TEX14: variants seen among roughly 807,000 people sequenced by gnomAD.
TEX14 encodes the protein testis expressed 14, intercellular bridge forming factor, also known as inactive serine/threonine-protein kinase TEX14.
Under a neutral mutation model 178.6 loss-of-function variants are expected in TEX14, and 168 were observed. That is an observed-to-expected ratio of 0.94 (90% CI 0.83 to 1.07). TEX14 has a LOEUF of 1.07. TEX14 is among the 50% of genes least tolerant of loss of function. The probability of loss-of-function intolerance (pLI) is 0.00; values close to 1 mark genes in which losing one functional copy is unlikely to be tolerated. For missense variants in TEX14, 1,730 were observed against 1,753.6 expected (o/e 0.99, Z 0.24); for synonymous variants, 626 against 634.1 (o/e 0.99, Z 0.19).
intron 15 of TEX14, among the ~76,000 whole-genome samples, chr17:58,592,692 C>T (rs1231049736): frequency 1.3e-5 from 2 of 151,930 alleles, no homozygotes; most frequent in Non-Finnish European, 2.9e-5. Flanking sequence ...GTGCCCGCCA[C>T]CACGCCCGGC....
chr17:58,566,107 T>C (rs1475848663), intron 26 of TEX14, among the ~76,000 whole-genome samples: 1 of 152,176 alleles, frequency 6.6e-6, no homozygotes, highest in Non-Finnish European at 1.5e-5. Flanking sequence ...AGGAATTCTT[T>C]AGGTATGACA....
At chr17:58,642,316 T>C (rs1447768870) in intron 2 of TEX14, among the ~76,000 whole-genome samples, 1 of 152,194 alleles carries the variant, frequency 6.6e-6, no homozygotes, top group African/African-American at 2.4e-5. Context: ...ATCACAAATG[T>C]GACCATCAGG....
intron 26 of TEX14, among the ~76,000 whole-genome samples, chr17:58,568,114 G>A (rs1201036778): frequency 2.6e-5 from 4 of 152,208 alleles, no homozygotes; most frequent in Non-Finnish European, 5.9e-5. Flanking sequence ...AATTTGCAAG[G>A]ACTGCCTAGG....
At chr17:58,629,034 C>T (rs781286765) in intron 3 of TEX14, among the ~76,000 whole-genome samples, 1 of 152,140 alleles carries the variant, frequency 6.6e-6, no homozygotes, top group Non-Finnish European at 1.5e-5. Context: ...CTTAAGTGCC[C>T]AAAACCCCAG....
At chr17:58,654,213 G>A (rs917991726) in intron 1 of TEX14, among the ~76,000 whole-genome samples, 2 of 151,978 alleles carry the variant, frequency 1.3e-5, no homozygotes, top group African/African-American at 2.4e-5. Flanking sequence ...AGAAACTGGT[G>A]CCTGAGTACT....
intron 11 of TEX14, among the ~76,000 whole-genome samples, chr17:58,603,384 T>C (rs2045515433): frequency 6.6e-6 from 1 of 150,590 alleles, no homozygotes; most frequent in South Asian, 2.1e-4. Flanking sequence ...TGAAATCCCA[T>C]CCCTACTAAA....
At chr17:58,567,956 T>C (rs932249714) in intron 26 of TEX14, 1 of 152,268 alleles carries the variant, frequency 6.6e-6, no homozygotes, top group Non-Finnish European at 1.5e-5. Flanking sequence ...GTATCAGCTA[T>C]GATCAAACTG....
rs1368493579 is a variant in TEX14 at position 58,656,942 on chromosome 17, A to AG, written c.-1-4941_-1-4940insC. Among the ~76,000 whole-genome samples, 6 of 149,860 alleles carry AG rather than the reference A, an allele frequency of 4.0e-5. No individual in the cohort carries two copies. The East Asian group carries it at 7.7e-4, about 19-fold the overall frequency. On this transcript the variant is annotated intron_variant, in intron 1 of 31. Coordinates refer to ENST00000349033, the MANE Select transcript of TEX14 (RefSeq NM_031272.5). ...CCATCTCACAAAAAAAAAAAAAAAA[A>AG]AAAAAAAGAAAAAGAAAATTGGGTT...
At chr17:58,611,451 C>T in intron 9 of TEX14, 112 bp from the exon 10 acceptor site, 1 of 778,870 alleles carries the variant, frequency 1.3e-6, no homozygotes, top group Non-Finnish European at 2.1e-6. Flanking sequence ...TACCAAGGAT[C>T]CCCATTTTAC....
At chr17:58,607,824 A>G (rs962411240) in intron 10 of TEX14, among the ~76,000 whole-genome samples, 1 of 152,228 alleles carries the variant, frequency 6.6e-6, no homozygotes, top group Non-Finnish European at 1.5e-5. Flanking sequence ...TAGATCATCC[A>G]ATCATTTAAG....
At chr17:58,634,346 G>A (rs9904996) in intron 2 of TEX14, among the ~76,000 whole-genome samples, 22,230 of 152,058 alleles carry the variant, frequency 0.15, 2,511 homozygotes, top group East Asian at 0.31. Flanking sequence ...CCGAGAGGTA[G>A]AGGTTGCAGT....
At chr17:58,652,788 A>G (rs2046867592) in intron 1 of TEX14, among the ~76,000 whole-genome samples, 1 of 152,190 alleles carries the variant, frequency 6.6e-6, no homozygotes, top group African/African-American at 2.4e-5. Flanking sequence ...AGATAGTATA[A>G]CATAGTGGTT....
intron 1 of TEX14, among the ~76,000 whole-genome samples, chr17:58,671,325 C>T (rs190912484): frequency 1.9e-4 from 29 of 152,224 alleles, no homozygotes; most frequent in African/African-American, 6.8e-4. Context: ...CATCCCCTAA[C>T]ATATACACAT....
chr17:58,630,668 A>G, intron 2 of TEX14, 114 bp from the exon 3 acceptor site: 1 of 677,928 alleles, frequency 1.5e-6, no homozygotes, highest in Non-Finnish European at 2.5e-6. Flanking sequence ...TATTGCTGTG[A>G]GCTTTTTTTT....
At chr17:58,640,530 A>G (rs2144608871) in intron 2 of TEX14, among the ~76,000 whole-genome samples, 1 of 151,992 alleles carries the variant, frequency 6.6e-6, no homozygotes, top group South Asian at 2.1e-4. Flanking sequence ...TCTACGTGCT[A>G]AGCACTATTT....
At chr17:58,641,783 C>T (rs561229635) in intron 2 of TEX14, among the ~76,000 whole-genome samples, 1 of 152,296 alleles carries the variant, frequency 6.6e-6, no homozygotes, top group Admixed American at 6.5e-5. Context: ...GCTGGGATTA[C>T]AGGCGTAAGC....
At position 58,584,476 on chromosome 17, in the gene TEX14, G is replaced by A. The variant is rs745972317; in HGVS notation, c.3171+24C>T. ...CTTATTAGATCTTTGGGTTCAACTT[G>A]GCTTTCCAGGCAGTATTACTTACAC... On this transcript the variant is annotated intron_variant, in intron 19 of 31. Coordinates refer to ENST00000349033, the MANE Select transcript of TEX14 (RefSeq NM_031272.5). The A allele has an allele frequency of 6.5e-6, 10 of 1,538,998 alleles. No individual in the cohort carries two copies. The East Asian group carries it at 2.2e-4, about 35-fold the overall frequency.
chr17:58,691,666 CAAA>C (rs34546660), intron 1 of TEX14, among the ~76,000 whole-genome samples: 1 of 107,100 alleles, frequency 9.3e-6, no homozygotes, highest in Non-Finnish European at 1.8e-5. Flanking sequence ...GACTCTGTCT[CAAA>C]AAAAAAAAAA....
In TEX14 at chr17:58,602,427, G is replaced by C. The variant is rs745318023; in HGVS notation, c.1500C>G (p.Ile500Met). 6.2e-7 allele frequency: 1 copy of C among 1,613,904 alleles called. No individual in the cohort carries two copies. The highest frequency in any genetic ancestry group is 1.7e-5 in the Admixed American group (1 of 59,994). Residue 500 changes from isoleucine to methionine, a missense_variant, in exon 12 of 32, where the codon ATC (isoleucine) becomes ATG (methionine). By Grantham distance (10) the Ile-to-Met change is conservative. Around this residue, in one of 2 missense-constraint regions of TEX14, gnomAD observed 789 missense variants for 681.2 expected, o/e 1.16. Coordinates refer to ENST00000349033, the MANE Select transcript of TEX14 (RefSeq NM_031272.5). ...TTAAGTCATTCTTCAGAATATACCG[G>C]ATATCTTGAAGGTTCATAGTTCGGT... The part of the protein sequence containing the change: ...QKDRTMNLQD[I>M]RYILKNDLKD...
Sources: gnomAD v4.1 joint callset for allele counts (sites outside exome capture counted in the v4.1 genomes callset) on GRCh38, gnomAD v4.1.1 for gene constraint, gnomAD v4.1.1 regional missense constraint, MANE v1.5 for transcripts, NCBI Gene and HGNC (gene_info 2026-07-23, HGNC 2026-07-21) for gene names.